The following CELF6 variants were observed in gnomAD, a reference collection of about 807,000 sequenced individuals.
CELF6 encodes the protein Bruno -like 6, RNA binding protein.
A neutral mutation model predicts 53.1 loss-of-function variants in CELF6; 32 were observed. The ratio of observed to expected loss-of-function variants is 0.60; its 90% CI spans 0.46 to 0.81. CELF6 has a LOEUF of 0.81. CELF6 is among the 30% of genes least tolerant of loss of function. CELF6 has a pLI of 0.00. For missense variants in CELF6, 539 were observed against 669.5 expected (o/e 0.81, Z 2.15); for synonymous variants, 291 against 288.8 (o/e 1.01, Z -0.08).
intron 3 of CELF6, among the ~76,000 whole-genome samples, chr15:72,297,821 T>C (rs2088099739): frequency 6.6e-6 from 1 of 152,186 alleles, no homozygotes; most frequent in Non-Finnish European, 1.5e-5. Context: ...GGTTATACAA[T>C]GTGAATGTAC....
intron 3 of CELF6, among the ~76,000 whole-genome samples, chr15:72,295,657 C>T (rs1362323882): frequency 7.0e-6 from 1 of 143,544 alleles, no homozygotes; most frequent in East Asian, 2.1e-4. Context: ...ACCCAGGATG[C>T]AGAGGTTGCA....
intron 3 of CELF6, among the ~76,000 whole-genome samples, chr15:72,300,431 G>T (rs182038322): frequency 6.6e-6 from 1 of 151,560 alleles, no homozygotes; most frequent in Non-Finnish European, 1.5e-5. Flanking sequence ...TATACAATAT[G>T]TATGTTGGTT....
In CELF6 at chr15:72,319,663, C is replaced by A. The variant is rs947717562; in HGVS notation, c.212G>T (p.Arg71Leu). The A allele has an allele frequency of 1.9e-6, 3 of 1,580,534 alleles. No individual in the cohort carries two copies. In the African/African-American group the frequency reaches 4.0e-5, roughly 21 times the overall value. Residue 71 changes from arginine (R) to leucine (L), a missense_variant, in exon 1 of 13, where the codon CGC (arginine) becomes CTC (leucine). By Grantham distance (102) the Arg-to-Leu change is moderately radical (BLOSUM62 -2). This residue lies in a region of CELF6 where 97 missense variants were observed against 168.8 expected (regional missense o/e 0.57). Coordinates refer to ENST00000287202, the MANE Select transcript of CELF6 (RefSeq NM_052840.5). This position sits in a 1 kb window ranked among gnomAD's most constrained non-coding sequence, Gnocchi z 5.0. ...DLKPLFEEFG[R>L]IYELTVLKDR... ...CTTCAGCACCGTCAGCTCGTAGATG[C>A]GGCCGAACTCCTCGAACAGCGGCTT...
At chr15:72,310,476 A>G (rs2088280760) in intron 2 of CELF6, among the ~76,000 whole-genome samples, 1 of 151,982 alleles carries the variant, frequency 6.6e-6, no homozygotes. Context: ...ACACTGCACT[A>G]AAGGGTCATC....
chr15:72,302,520 A>G (rs1319186448), intron 3 of CELF6, among the ~76,000 whole-genome samples: 3 of 152,230 alleles, frequency 2.0e-5, no homozygotes, highest in African/African-American at 4.8e-5. Flanking sequence ...TTATACAAAA[A>G]TGTGGAAAGA....
intron 3 of CELF6, among the ~76,000 whole-genome samples, chr15:72,300,253 CAG>C (rs1266133061): frequency 1.3e-5 from 2 of 151,548 alleles, no homozygotes; most frequent in Non-Finnish European, 2.9e-5. Flanking sequence ...CCTAGCTACT[CAG>C]GGGGCTGAGG....
chr15:72,300,002 C>T (rs1364248944), intron 3 of CELF6, among the ~76,000 whole-genome samples: 1 of 152,130 alleles, frequency 6.6e-6, no homozygotes. Flanking sequence ...TGGTGTATTG[C>T]TAATATTAAT....
chr15:72,289,650 C>T lies in CELF6; in HGVS notation c.724G>A (p.Ala242Thr), dbSNP rs1174448892. The stretch of plus-strand genomic sequence containing the variant: ...ACCGCCGTGGTGTAGGCGCCGCAGG[C>T]CCCTAGCGGCAGTGGCGCGGGGTGG... ...AFHPAPLPLG[A>T]CGAYTTAILQ... Residue 242 changes from alanine to threonine, a missense_variant, in exon 6 of 13, where the codon GCC (alanine) becomes ACC (threonine). Physicochemically the swap from Ala to Thr is moderately conservative, Grantham distance 58. This residue lies in a region of CELF6 where 358 missense variants were observed against 412.8 expected (regional missense o/e 0.87). Coordinates refer to ENST00000287202, the MANE Select transcript of CELF6 (RefSeq NM_052840.5). The surrounding 1 kb of genome is among the most constrained non-coding windows in gnomAD (Gnocchi z 7.6). The T allele has an allele frequency of 2.0e-6, 3 of 1,501,168 alleles. No individual in the cohort carries two copies. Among genetic ancestry groups the T allele is most frequent in the East Asian group, 2.6e-5 (1 of 38,770 alleles). 93.0% of individuals were successfully genotyped at this position (1,501,168 alleles called of 1,614,324 possible). A position where few individuals can be genotyped will look rare whatever the true frequency, so the allele number is the denominator to read the frequency against.
In CELF6 at chr15:72,289,745, T is replaced by C. The variant is rs2087979065; in HGVS notation, c.629A>G (p.Lys210Arg). ...MAGASSSLVV[K>R]LADTDRERAL... The stretch of plus-strand genomic sequence containing the variant: ...GCGCTCCCGGTCGGTGTCCGCCAGC[T>C]TGACCACGAGGCTGGACGAGGCGCC... The change falls in exon 6 of 13, where the codon AAG (lysine) becomes AGG (arginine). Residue 210 changes from lysine to arginine, a missense_variant. Coordinates refer to ENST00000287202, the MANE Select transcript of CELF6 (RefSeq NM_052840.5). This position sits in a 1 kb window ranked among gnomAD's most constrained non-coding sequence, Gnocchi z 7.6. The C allele has an allele frequency of 9.6e-6, 14 of 1,464,636 alleles. No homozygotes were observed. Among genetic ancestry groups the C allele is most frequent in the Non-Finnish European group, 1.3e-5 (14 of 1,115,542 alleles). The allele number at this position is 1,464,636 out of a possible 1,614,324, so 90.7% of individuals were successfully genotyped here. A position where few individuals can be genotyped will look rare whatever the true frequency, so the allele number is the denominator to read the frequency against.
At position 72,289,892 on chromosome 15, in the gene CELF6, T is replaced by C; in HGVS notation, c.603+47A>G. 1 of 1,533,390 alleles carries C rather than the reference T, an allele frequency of 6.5e-7. No individual in the cohort carries two copies. Among genetic ancestry groups the C allele is most frequent in the Non-Finnish European group, 8.7e-7 (1 of 1,143,160 alleles). The allele number at this position is 1,533,390 out of a possible 1,614,324, so 95.0% of individuals were successfully genotyped here. ...AGCACACTCGGGGAGGAGAAGCCCG[T>C]CCCCACCCCACTGGCCTCACCCTCA... is the stretch of plus-strand genomic sequence containing the variant. On this transcript the variant is annotated intron_variant, in intron 5 of 12. Coordinates refer to ENST00000287202, the MANE Select transcript of CELF6 (RefSeq NM_052840.5). This position sits in a 1 kb window ranked among gnomAD's most constrained non-coding sequence, Gnocchi z 7.6.
At chr15:72,316,800 T>C (rs2088369605) in intron 1 of CELF6, among the ~76,000 whole-genome samples, 1 of 152,116 alleles carries the variant, frequency 6.6e-6, no homozygotes, top group African/African-American at 2.4e-5. Flanking sequence ...ATTGAACACT[T>C]ACTTATTATG....
Position 72,307,341 on chromosome 15 carries a change from C to T in CELF6, c.346-2547G>A, listed in dbSNP as rs537141427. Among the ~76,000 whole-genome samples the T allele has an allele frequency of 7.2e-4, 110 of 152,286 alleles. 1 individual carries two copies. Among genetic ancestry groups the T allele is most frequent in the African/African-American group, 2.6e-3 (106 of 41,558 alleles). On this transcript the variant is annotated intron_variant, in intron 2 of 12. Transcript: ENST00000287202. ...TGACCTAGGCCTCCCACCACCCAGGCATGCTGCCAGCATTTCCTGAACTCT... is the reference window on the plus strand; with the variant it reads ...TGACCTAGGCCTCCCACCACCCAGGTATGCTGCCAGCATTTCCTGAACTCT...
intron 2 of CELF6, among the ~76,000 whole-genome samples, chr15:72,311,956 A>G (rs1349162531): frequency 6.6e-6 from 1 of 152,250 alleles, no homozygotes; most frequent in African/African-American, 2.4e-5. Context: ...TGCAGGGCAC[A>G]ACTTGCAAAA....
rs760721959 is a variant in CELF6, at chr15:72,289,627, C to T, written c.747G>A (p.Ala249=). ...TCGCACGCAGGTGCCCGGTACCTAC[C>T]GCCGTGGTGTAGGCGCCGCAGGCCC... is the stretch of plus-strand genomic sequence containing the variant. The part of the protein sequence containing the change: ...PLGACGAYTT[A]ILQHQAALLA... Residue 249 remains alanine (A), a splice_region_variant and synonymous_variant, in exon 6 of 13, where the codon GCG becomes GCA. Transcript: ENST00000287202. This position sits in a 1 kb window ranked among gnomAD's most constrained non-coding sequence, Gnocchi z 7.6. 1.5e-5 allele frequency: 23 copies of T among 1,502,418 alleles called. No individual in the cohort carries two copies. Among genetic ancestry groups the T allele is most frequent in the African/African-American group, 4.3e-5 (3 of 69,716 alleles). The allele number at this position is 1,502,418 out of a possible 1,614,324, so 93.1% of individuals were successfully genotyped here.
intron 2 of CELF6, 59 bp downstream of exon 2, chr15:72,315,786 C>G: frequency 8.4e-7 from 1 of 1,195,902 alleles, no homozygotes; most frequent in Non-Finnish European, 1.2e-6. Flanking sequence ...CTTTGGCATG[C>G]ACACAGGGCA....
At chr15:72,286,873 C>T (rs2087929422) in intron 12 of CELF6, among the ~76,000 whole-genome samples, 1 of 152,192 alleles carries the variant, frequency 6.6e-6, no homozygotes, top group Non-Finnish European at 1.5e-5. Flanking sequence ...AACTCATGGC[C>T]TGAAGACCCT....
chr15:72,301,409 C>G (rs1330635248), intron 3 of CELF6, among the ~76,000 whole-genome samples: 1 of 152,046 alleles, frequency 6.6e-6, no homozygotes, highest in Admixed American at 6.5e-5. Context: ...ATGCATAATC[C>G]CTTCCAGAAG....
chr15:72,288,283 G>A lies in CELF6; in HGVS notation c.1318+25C>T, dbSNP rs765066817. The A allele has an allele frequency of 6.2e-7, 1 of 1,613,336 alleles. No homozygotes were observed. Among genetic ancestry groups the A allele is most frequent in the Non-Finnish European group, 8.5e-7 (1 of 1,179,276 alleles). ...TCCTTTATAGTCAGAGGTGGGAGAG[G>A]CCTAGGGGTAGGTTCTCAGCTCACC... is the stretch of plus-strand genomic sequence containing the variant. On this transcript the variant is annotated intron_variant, in intron 11 of 12. Transcript: ENST00000287202. This position sits in a 1 kb window ranked among gnomAD's most constrained non-coding sequence, Gnocchi z 4.6.
rs887222846 is a variant in CELF6, at chr15:72,288,689, C to T, written c.1094-71G>A. The T allele has an allele frequency of 5.5e-6, 8 of 1,451,964 alleles. No individual in the cohort carries two copies. The highest frequency in any genetic ancestry group is 7.6e-6 in the Non-Finnish European group (8 of 1,059,490). The allele number at this position is 1,451,964 out of a possible 1,614,324, so 89.9% of individuals were successfully genotyped here. ...CCCAAGCAGGGCCCCAACTGCCTGG[C>T]CGCTTTTGACCAATTCAGCCCAGTC... On this transcript the variant is annotated intron_variant, in intron 9 of 12. Transcript: ENST00000287202. The surrounding 1 kb of genome is among the most constrained non-coding windows in gnomAD (Gnocchi z 4.6).
Sources: gnomAD v4.1 joint callset for allele counts (sites outside exome capture counted in the v4.1 genomes callset) on GRCh38, gnomAD v4.1.1 for gene constraint, gnomAD v4.1.1 regional missense constraint, Gnocchi (gnomAD v3.1) non-coding constraint, MANE v1.5 for transcripts, NCBI Gene and HGNC (gene_info 2026-07-23, HGNC 2026-07-21) for gene names.